EYS: variants seen among roughly 807,000 people sequenced by gnomAD.
EYS encodes EGF-like photoreceptor maintenance factor.
Under a neutral mutation model 282.1 loss-of-function variants are expected in EYS, and 250 were observed. The observed-to-expected ratio is 0.89, with a 90% CI of 0.80 to 0.98. The LOEUF is 0.98. Ranked by LOEUF, EYS falls within the 50% of genes least tolerant of loss-of-function variation. The probability of loss-of-function intolerance (pLI) is 0.00; values close to 1 mark genes in which losing one functional copy is unlikely to be tolerated. For synonymous variants in EYS, 1,355 were observed against 1,282.9 expected, an observed-to-expected ratio of 1.06 and a Z score of -1.20; for missense variants, 4,016 against 3,709.0, an observed-to-expected ratio of 1.08 and a Z score of -2.15.
At chr6:64,679,138 T>G (rs1769809331) in intron 22 of EYS, among the ~76,000 whole-genome samples, 1 of 152,208 alleles carries the variant, frequency 6.6e-6, no homozygotes, top group African/African-American at 2.4e-5. Flanking sequence ...CTACCCCAAC[T>G]TCACATCTTG....
chr6:64,005,090 A>G (rs1300005521), intron 33 of EYS, among the ~76,000 whole-genome samples: 1 of 152,216 alleles, frequency 6.6e-6, no homozygotes, highest in Non-Finnish European at 1.5e-5. Context: ...AGCAGTGTAT[A>G]AGAGTTCCTG....
At chr6:63,871,886 C>T (rs1341228167) in intron 35 of EYS, among the ~76,000 whole-genome samples, 2 of 152,046 alleles carry the variant, frequency 1.3e-5, no homozygotes, top group Admixed American at 6.6e-5. Flanking sequence ...TGGAGGCACG[C>T]GCAGGAAACT....
intron 5 of EYS, among the ~76,000 whole-genome samples, chr6:65,488,123 C>A (rs1261549040): frequency 1.3e-5 from 2 of 151,942 alleles, no homozygotes; most frequent in Non-Finnish European, 2.9e-5. Context: ...TTCAAAAAAC[C>A]AGCTCCTGGA....
intron 5 of EYS, among the ~76,000 whole-genome samples, chr6:65,478,086 A>G (rs1056623500): frequency 2.0e-5 from 3 of 152,164 alleles, no homozygotes; most frequent in African/African-American, 7.2e-5. Context: ...AATCGATCAC[A>G]GGCTTTGCTG....
At chr6:65,166,756 C>A (rs563153627) in intron 12 of EYS, among the ~76,000 whole-genome samples, 6 of 150,790 alleles carry the variant, frequency 4.0e-5, no homozygotes, top group Non-Finnish European at 8.9e-5. Context: ...TAAAGACAAC[C>A]CATAGAATGG....
At chr6:65,489,455 T>C (rs1244806461) in intron 5 of EYS, 1 of 152,118 alleles carries the variant, frequency 6.6e-6, no homozygotes, top group Non-Finnish European at 1.5e-5. Context: ...AGAATGGTGA[T>C]CATTAAAAAG....
At chr6:65,127,826 G>T (rs974378739) in intron 12 of EYS, among the ~76,000 whole-genome samples, 1 of 152,000 alleles carries the variant, frequency 6.6e-6, no homozygotes, top group African/African-American at 2.4e-5. Flanking sequence ...TATTAAATAT[G>T]TACAGAAAAA....
intron 5 of EYS, among the ~76,000 whole-genome samples, chr6:65,477,657 T>A (rs1765460060): frequency 2.0e-5 from 3 of 152,158 alleles, no homozygotes; most frequent in African/African-American, 7.2e-5. Context: ...TTTTTCACTT[T>A]TAAAACAAAG....
chr6:65,166,007 A>T (rs1413392310), intron 12 of EYS, among the ~76,000 whole-genome samples: 1 of 151,216 alleles, frequency 6.6e-6, no homozygotes, highest in South Asian at 2.1e-4. Context: ...GCTAATATTT[A>T]TAATGGTAAA....
chr6:65,641,642 C>A (rs554546479), intron 1 of EYS, among the ~76,000 whole-genome samples: 18 of 152,286 alleles, frequency 1.2e-4, no homozygotes, highest in Admixed American at 1.1e-3. Context: ...GTCTGTACTG[C>A]GTACTGTTTT....
chr6:65,309,386 G>T (rs1769095299), intron 11 of EYS, among the ~76,000 whole-genome samples: 1 of 152,140 alleles, frequency 6.6e-6, no homozygotes, highest in Admixed American at 6.5e-5. Flanking sequence ...CTGCCTTAAA[G>T]AAAAAAATTG....
intron 39 of EYS, among the ~76,000 whole-genome samples, chr6:63,781,794 G>A (rs1167088738): frequency 1.3e-5 from 2 of 152,140 alleles, no homozygotes; most frequent in African/African-American, 4.8e-5. Flanking sequence ...ATGTTGAATG[G>A]GAGTGGTGAG....
chr6:65,029,060 G>A (rs539896545), intron 13 of EYS, among the ~76,000 whole-genome samples: 2 of 152,184 alleles, frequency 1.3e-5, no homozygotes, highest in East Asian at 3.9e-4. Context: ...CTTAGCCAGT[G>A]GAAAACCTGT....
chr6:64,105,250 C>T (rs537679492), intron 31 of EYS, among the ~76,000 whole-genome samples: 18 of 152,186 alleles, frequency 1.2e-4, no homozygotes, highest in Non-Finnish European at 2.4e-4. Flanking sequence ...AACATCGCTA[C>T]GTGCCAGGCA....
intron 13 of EYS, among the ~76,000 whole-genome samples, chr6:64,997,917 T>C (rs1270057887): frequency 1.3e-5 from 2 of 152,174 alleles, no homozygotes; most frequent in African/African-American, 4.8e-5. Flanking sequence ...AAACTTCAGT[T>C]AGTTGAAATA....
chr6:64,842,921 G>C (rs372829431), intron 19 of EYS, among the ~76,000 whole-genome samples: 2 of 152,192 alleles, frequency 1.3e-5, no homozygotes, highest in South Asian at 2.1e-4. Flanking sequence ...ATTCAAGCTG[G>C]CTGCAAAAAA....
intron 29 of EYS, among the ~76,000 whole-genome samples, chr6:64,317,877 A>G (rs1770038191): frequency 6.6e-6 from 1 of 152,110 alleles, no homozygotes; most frequent in Non-Finnish European, 1.5e-5. Flanking sequence ...TGGCTTTTGT[A>G]GGGACATGGA....
intron 15 of EYS, among the ~76,000 whole-genome samples, chr6:64,937,839 C>A (rs1189114018): frequency 2.0e-5 from 3 of 151,540 alleles, no homozygotes; most frequent in Non-Finnish European, 4.4e-5. Context: ...ATGTTTATAG[C>A]AGCGTTATTC....
intron 31 of EYS, among the ~76,000 whole-genome samples, chr6:64,200,465 TA>T (rs962690785): frequency 9.2e-5 from 14 of 152,088 alleles, no homozygotes; most frequent in African/African-American, 3.4e-4. Flanking sequence ...CAATAACAGT[TA>T]AAAAATTTTT....
Sources: allele counts gnomAD v4.1 joint callset (sites outside exome capture counted in the v4.1 genomes callset), GRCh38; gene constraint gnomAD v4.1.1; transcripts MANE v1.5; gene names NCBI Gene and HGNC (gene_info 2026-07-23, HGNC 2026-07-21).